CHD8: variants seen among roughly 807,000 people sequenced by gnomAD.
CHD8 encodes the protein ATP-dependent chromatin remodeler CHD8.
CHD8 carries 31 observed loss-of-function variants against 279.2 expected under a neutral mutation model. That is an observed-to-expected ratio of 0.11 (90% CI 0.08 to 0.15). The LOEUF (loss-of-function observed/expected upper bound fraction) is 0.15, where lower values mean the gene tolerates loss of function less well. CHD8 is among the 10% of genes least tolerant of loss of function. The pLI is 1.00. For synonymous variants in CHD8, 1,081 were observed against 1,139.6 expected, an observed-to-expected ratio of 0.95 and a Z score of 1.04; for missense variants, 2,146 against 3,230.5, an observed-to-expected ratio of 0.66 and a Z score of 8.14.
intron 3 of CHD8, 86 bp downstream of exon 3, chr14:21,428,878 T>G (rs762396348): frequency 1.1e-4 from 139 of 1,286,210 alleles, no homozygotes; most frequent in Non-Finnish European, 1.4e-4. Flanking sequence ...TGGCCCCACA[T>G]TCAAGAATAA....
intron 7 of CHD8, 39 bp from the exon 8 acceptor site, chr14:21,415,032 T>C (rs2139497489): frequency 1.4e-6 from 2 of 1,385,628 alleles, no homozygotes; most frequent in East Asian, 2.4e-5. Flanking sequence ...AGTCCCTTAT[T>C]TGTAAAAGAA....
chr14:21,448,397 A>G (rs1890176531), intron 1 of CHD8, among the ~76,000 whole-genome samples: 1 of 152,238 alleles, frequency 6.6e-6, no homozygotes. Flanking sequence ...TAAAAGAAAC[A>G]AACTATTTAC....
intron 5 of CHD8, chr14:21,419,828 G>T: frequency 2.7e-6 from 1 of 376,748 alleles, no homozygotes; most frequent in Non-Finnish European, 5.4e-6. Flanking sequence ...CGAGGGATCT[G>T]CCCACCATTC....
In CHD8 at chr14:21,393,745, G is replaced by A; in HGVS notation, c.6050C>T (p.Pro2017Leu). 1.2e-6 allele frequency: 2 copies of A among 1,613,884 alleles called. No homozygotes were observed. The highest frequency in any genetic ancestry group is 1.1e-5 in the South Asian group (1 of 91,066). The change falls in exon 32 of 38, where the codon CCC becomes CTC. Residue 2017 changes from proline to leucine, a missense_variant. By Grantham distance (98) the Pro-to-Leu change is moderately conservative (BLOSUM62 -3). Coordinates refer to ENST00000646647, the MANE Select transcript of CHD8 (RefSeq NM_001170629.2). Reference protein sequence around the residue: ...KSPEETATQVPSLESLTLKLE... With the variant: ...KSPEETATQVLSLESLTLKLE... The stretch of plus-strand genomic sequence containing the variant: ...CTTTAAAGTCAGACTCTCCAGACTG[G>A]GGACCTGGGTAGCTGTCTCCTCGGG...
chr14:21,437,000 C>G, intron 1 of CHD8: 1 of 1,270,176 alleles, frequency 7.9e-7, no homozygotes, highest in Non-Finnish European at 1.0e-6. Context: ...GGTACATGCA[C>G]TTGAGGTAAG....
chr14:21,427,387 C>T (rs535725060), intron 4 of CHD8: 19 of 345,784 alleles, frequency 5.5e-5, no homozygotes, highest in South Asian at 9.3e-5. Flanking sequence ...TACTCTTGCA[C>T]GTCCCATCAC....
intron 5 of CHD8, among the ~76,000 whole-genome samples, chr14:21,423,363 G>A (rs1889139861): frequency 6.6e-6 from 1 of 152,216 alleles, no homozygotes; most frequent in Non-Finnish European, 1.5e-5. Context: ...GCACAAGTGA[G>A]AGAAAGCAAG....
intron 1 of CHD8, among the ~76,000 whole-genome samples, chr14:21,441,684 G>A (rs151028724): frequency 1.6e-4 from 24 of 151,968 alleles, no homozygotes; most frequent in African/African-American, 5.3e-4. Flanking sequence ...GTCAGGAGAT[G>A]GAGACCATCC....
At chr14:21,401,371 G>GC in intron 21 of CHD8, 32 bp downstream of exon 21, 3 of 1,318,346 alleles carry the variant, frequency 2.3e-6, no homozygotes, top group Non-Finnish European at 3.2e-6. Context: ...GTGGTCTTCT[G>GC]CGATACTTCC....
rs1321855723 is a variant in CHD8 at position 21,393,248 on chromosome 14, T to C, written c.6326A>G (p.Gln2109Arg). ...EDEKEEKLTD[Q>R]SRSKLYDEES... Reference sequence around the variant, plus strand: ...TTCATCATAGAGCTTTGAGCGGGACTGGTCAGCTGGTAAGAGAGCCCATAG... The same window carrying C: ...TTCATCATAGAGCTTTGAGCGGGACCGGTCAGCTGGTAAGAGAGCCCATAG... The change falls in exon 33 of 38, where the codon CAG (glutamine) becomes CGG (arginine). Residue 2109 changes from glutamine (Q) to arginine (R), a missense_variant. Physicochemically the swap from Gln to Arg is conservative, Grantham distance 43. This residue lies in a region of CHD8 where 513 missense variants were observed against 637.6 expected (regional missense o/e 0.80). Transcript: ENST00000646647. 5.6e-6 allele frequency: 9 copies of C among 1,613,846 alleles called. No homozygotes were observed. The African/African-American group carries it at 1.2e-4, about 22-fold the overall frequency.
rs1888226411 is a variant in CHD8, at chr14:21,405,690, G to A, written c.3051+31C>T. The stretch of plus-strand genomic sequence containing the variant: ...GTACAAACTTCACCTTCTTTGTCCT[G>A]AGTTAGTACCTCATCAGATAGATTT... On this transcript the variant is annotated intron_variant, in intron 15 of 37. Transcript: ENST00000646647. The surrounding 1 kb of genome is among the most constrained non-coding windows in gnomAD (Gnocchi z 4.2). 1 of 1,610,564 alleles carries A rather than the reference G, an allele frequency of 6.2e-7. No homozygotes were observed. Among genetic ancestry groups the A allele is most frequent in the Admixed American group, 1.7e-5 (1 of 59,484 alleles).
In CHD8 at chr14:21,402,859, C is replaced by T. The variant is rs138969264; in HGVS notation, c.3714+158G>A. On this transcript the variant is annotated intron_variant, in intron 18 of 37. Transcript: ENST00000646647. This position sits in a 1 kb window ranked among gnomAD's most constrained non-coding sequence, Gnocchi z 4.5. Reference sequence around the variant, plus strand: ...AAGCCTAAAACATTTACTGTCTTGTCGTTTACAGAAAACGTTTGCTGATTC... The same window carrying T: ...AAGCCTAAAACATTTACTGTCTTGTTGTTTACAGAAAACGTTTGCTGATTC... Among the ~76,000 whole-genome samples, 7 of 152,328 alleles carry T rather than the reference C, an allele frequency of 4.6e-5. No homozygotes were observed. Among genetic ancestry groups the T allele is most frequent in the African/African-American group, 1.4e-4 (6 of 41,586 alleles).
chr14:21,389,016 T>C (rs1197772929), intron 37 of CHD8, among the ~76,000 whole-genome samples: 1 of 152,174 alleles, frequency 6.6e-6, no homozygotes, highest in Non-Finnish European at 1.5e-5. Context: ...AAAATACAAC[T>C]ATTGACCAGG....
In CHD8 at chr14:21,394,272, C is replaced by T; in HGVS notation, c.5599+5G>A. On this transcript the variant is annotated splice_donor_5th_base_variant and intron_variant, in intron 31 of 37. Transcript: ENST00000646647. The stretch of plus-strand genomic sequence containing the variant: ...CATCCTCACCCACTCTGCAATCTTG[C>T]TTACCATCTCCAGCTGCTGGGGGAA... 6.2e-7 allele frequency: 1 copy of T among 1,613,932 alleles called. No individual in the cohort carries two copies. The highest frequency in any genetic ancestry group is 8.5e-7 in the Non-Finnish European group (1 of 1,179,870).
rs1166708643 is a variant in CHD8, at chr14:21,401,679, G to C, written c.4063-166C>G. ...CGCTCACCGCAACCTCCACCCCCTG[G>C]GTTCAAGTGATTCTCCTGCCTCAGC... On this transcript the variant is annotated intron_variant, in intron 20 of 37. Coordinates refer to ENST00000646647, the MANE Select transcript of CHD8 (RefSeq NM_001170629.2). 5.1e-6 allele frequency: 3 copies of C among 583,532 alleles called. No individual in the cohort carries two copies. In the African/African-American group the frequency reaches 5.7e-5, roughly 11 times the overall value. 36.1% of individuals were successfully genotyped at this position (583,532 alleles called of 1,614,324 possible). A position where few individuals can be genotyped will look rare whatever the true frequency, so the allele number is the denominator to read the frequency against.
rs757633401 is a variant in CHD8, at chr14:21,400,661, C to G, written c.4371-49G>C. On this transcript the variant is annotated intron_variant, in intron 22 of 37. Coordinates refer to ENST00000646647, the MANE Select transcript of CHD8 (RefSeq NM_001170629.2). This position sits in a 1 kb window ranked among gnomAD's most constrained non-coding sequence, Gnocchi z 4.2. ...ACATTTTTCTGAGAAATGACAGTCC[C>G]CTGTCCCTCAGAATCATGTCTCTGA... 5 of 1,464,260 alleles carry G rather than the reference C, an allele frequency of 3.4e-6. No individual in the cohort carries two copies. In the South Asian group the frequency reaches 7.0e-5, roughly 20 times the overall value. 90.7% of individuals were successfully genotyped at this position (1,464,260 alleles called of 1,614,324 possible).
At chr14:21,387,591 G>A (rs1463734126) in intron 37 of CHD8, among the ~76,000 whole-genome samples, 2 of 150,594 alleles carry the variant, frequency 1.3e-5, no homozygotes, top group Non-Finnish European at 3.0e-5. Context: ...CAGAGATCAC[G>A]GCATTGTACT....
At chr14:21,421,408 T>A (rs1218566067) in intron 5 of CHD8, among the ~76,000 whole-genome samples, 1 of 151,804 alleles carries the variant, frequency 6.6e-6, no homozygotes, top group Admixed American at 6.6e-5. Context: ...AGTATTCTAC[T>A]GCATGAATAT....
At position 21,426,182 on chromosome 14, in the gene CHD8, A is replaced by G; in HGVS notation, c.1662T>C (p.Asp554=). The change falls in exon 5 of 38, where the codon GAT becomes GAC. Residue 554 remains aspartate, a synonymous_variant. Coordinates refer to ENST00000646647, the MANE Select transcript of CHD8 (RefSeq NM_001170629.2). ...RKRNTSSDNS[D]VEVMPAQSPR... ...GTGACTGTGCAGGCATGACTTCCAC[A>G]TCTGAATTATCAGATGAGGTATTAC... is the stretch of plus-strand genomic sequence containing the variant. The G allele has an allele frequency of 6.2e-7, 1 of 1,612,976 alleles. No individual in the cohort carries two copies. Among genetic ancestry groups the G allele is most frequent in the South Asian group, 1.1e-5 (1 of 90,944 alleles).
Sources: gnomAD v4.1 joint callset for allele counts (sites outside exome capture counted in the v4.1 genomes callset) on GRCh38, gnomAD v4.1.1 for gene constraint, gnomAD v4.1.1 regional missense constraint, Gnocchi (gnomAD v3.1) non-coding constraint, MANE v1.5 for transcripts, NCBI Gene and HGNC (gene_info 2026-07-23, HGNC 2026-07-21) for gene names.